DAZAP2: variants seen among roughly 807,000 people sequenced by gnomAD.
The protein encoded by DAZAP2 is DAZ associated protein 2.
Under a neutral mutation model 16.2 loss-of-function variants are expected in DAZAP2, and 3 were observed. The ratio of observed to expected loss-of-function variants is 0.19; its 90% CI spans 0.08 to 0.48. The LOEUF (loss-of-function observed/expected upper bound fraction) is 0.48, where lower values mean the gene tolerates loss of function less well. Among genes scored for constraint, DAZAP2 ranks in the 20% least tolerant of loss-of-function variants. The pLI is 0.98. For missense variants in DAZAP2, 172 were observed against 215.9 expected (o/e 0.80, Z 1.27); for synonymous variants, 69 against 77.6 (o/e 0.89, Z 0.58).
chr12:51,240,070 G>A (rs1219827517), intron 1 of DAZAP2: 3 of 445,108 alleles, frequency 6.7e-6, no homozygotes, highest in Non-Finnish European at 1.2e-5. Flanking sequence ...ATTCCGGAGG[G>A]AACTTGGGCC....
chr12:51,245,822 CT>C, downstream of DAZAP2: 1 of 1,186,302 alleles, frequency 8.4e-7, no homozygotes, highest in Non-Finnish European at 1.2e-6. Flanking sequence ...CTGGCTGGAG[CT>C]TGGATTTGCC....
In DAZAP2 at chr12:51,243,148, A is replaced by G; in HGVS notation, c.*690A>G. The G allele has an allele frequency of 2.0e-6, 2 of 986,052 alleles. No individual in the cohort carries two copies. Among genetic ancestry groups the G allele is most frequent in the Non-Finnish European group, 2.4e-6 (2 of 830,238 alleles). 61.1% of individuals were successfully genotyped at this position (986,052 alleles called of 1,614,324 possible). On this transcript the variant is annotated 3_prime_UTR_variant, in exon 4 of 4. Transcript: ENST00000412716. ...ATTACTTCTGCTTTCGTATCTCCTC[A>G]GGCAAAAGTGGAGGGTGCCTTATGG... is the stretch of plus-strand genomic sequence containing the variant.
chr12:51,243,975 T>C (rs1288804391), downstream of DAZAP2: 4 of 962,092 alleles, frequency 4.2e-6, no homozygotes, highest in African/African-American at 1.8e-5. Flanking sequence ...TGTTCAACTT[T>C]TCATCATTTT....
downstream of DAZAP2, chr12:51,246,634 G>A (rs1157845416): frequency 3.2e-6 from 2 of 622,322 alleles, no homozygotes; most frequent in Non-Finnish European, 5.4e-6. Context: ...GTGTGTGTGT[G>A]TGTGTAATAT....
chr12:51,239,162 G>GT, intron 1 of DAZAP2: 1 of 553,620 alleles, frequency 1.8e-6, no homozygotes, highest in Non-Finnish European at 3.1e-6. Flanking sequence ...GGCTCGGGTG[G>GT]TGGGGGGGCT....
At chr12:51,239,735 G>GC (rs1456931476) in intron 1 of DAZAP2, 1 of 152,632 alleles carries the variant, frequency 6.6e-6, no homozygotes, top group South Asian at 2.0e-4. Context: ...AGCCGAGATC[G>GC]CGCCACTGCA....
At chr12:51,240,664 CAGA>C (rs1944659468) in intron 2 of DAZAP2, 1 of 855,106 alleles carries the variant, frequency 1.2e-6, no homozygotes, top group African/African-American at 1.7e-5. Flanking sequence ...GGCTAAGGTG[CAGA>C]AGATGAATTT....
chr12:51,246,604 C>CTGTGTGTGTGTGTGTG (rs59561227), downstream of DAZAP2: 307 of 338,200 alleles, frequency 9.1e-4, 3 homozygotes, highest in African/African-American at 6.1e-3. Flanking sequence ...TCTTTTATGG[C>CTGTGTGTGTGTGTGTG]TGTGTGTGTG....
chr12:51,245,717 G>T, downstream of DAZAP2: 1 of 507,686 alleles, frequency 2.0e-6, no homozygotes, highest in Admixed American at 3.2e-5. Context: ...ACAAACACCA[G>T]CTCTAGTAAG....
At position 51,243,140 on chromosome 12, in the gene DAZAP2, ATCTCC is replaced by A; in HGVS notation, c.*685_*689del. 4.1e-6 allele frequency: 4 copies of A among 986,036 alleles called. No individual in the cohort carries two copies. Among genetic ancestry groups the A allele is most frequent in the Non-Finnish European group, 4.8e-6 (4 of 830,292 alleles). 61.1% of individuals were successfully genotyped at this position (986,036 alleles called of 1,614,324 possible). ...CAGATGCCATTACTTCTGCTTTCGTATCTCCTCAGGCAAAAGTGGAGGGTGCCTTA... is the reference window on the plus strand; with the variant it reads ...CAGATGCCATTACTTCTGCTTTCGTATCAGGCAAAAGTGGAGGGTGCCTTA... On this transcript the variant is annotated 3_prime_UTR_variant, in exon 4 of 4. Transcript: ENST00000412716.
chr12:51,241,165 T>G (rs1472377587), intron 3 of DAZAP2, 49 bp downstream of exon 3: 1 of 1,596,228 alleles, frequency 6.3e-7, no homozygotes, highest in Non-Finnish European at 8.5e-7. Context: ...TATTTTAACT[T>G]TCTGAAATGA....
Position 51,243,900 on chromosome 12 carries a change from A to G in DAZAP2, c.*1442A>G, listed in dbSNP as rs999794608. On this transcript the variant is annotated 3_prime_UTR_variant, in exon 4 of 4. Coordinates refer to ENST00000412716, the MANE Select transcript of DAZAP2 (RefSeq NM_014764.4). ...TGCTGCTGCTCTGTTTCCTTTGATG[A>G]CGCTTTGAAATAAAGGCAGGAGTAC... 1.1e-5 allele frequency: 11 copies of G among 985,296 alleles called. No homozygotes were observed. In the Admixed American group the frequency reaches 1.8e-4, roughly 17 times the overall value. 61.0% of individuals were successfully genotyped at this position (985,296 alleles called of 1,614,324 possible).
In DAZAP2 at chr12:51,242,334, C is replaced by T. The variant is rs549110284; in HGVS notation, c.383C>T (p.Pro128Leu). The change falls in exon 4 of 4, where the codon CCA becomes CTA. Residue 128 changes from proline (P) to leucine (L), a missense_variant. Physicochemically the swap from Pro to Leu is moderately conservative, Grantham distance 98. Transcript: ENST00000412716. ...AGATAGNIPP[P>L]PPGCPPNAAQ... Reference sequence around the variant, plus strand: ...TATCATGTCATTTCCTTTCAGCCTCCACCTCCTGGATGCCCTCCCAATGCT... The same window carrying T: ...TATCATGTCATTTCCTTTCAGCCTCTACCTCCTGGATGCCCTCCCAATGCT... 90 of 1,589,994 alleles carry T rather than the reference C, an allele frequency of 5.7e-5. No individual in the cohort carries two copies. In the East Asian group the frequency reaches 1.1e-3, roughly 19 times the overall value.
chr12:51,246,297 A>G (rs563847832), downstream of DAZAP2: 39 of 850,434 alleles, frequency 4.6e-5, no homozygotes, highest in African/African-American at 6.5e-4. Context: ...GGCACATAAT[A>G]GCTGGAGTCT....
chr12:51,241,049 T>G lies in DAZAP2; in HGVS notation c.311T>G (p.Val104Gly), dbSNP rs769797874. 4 of 1,614,184 alleles carry G rather than the reference T, an allele frequency of 2.5e-6. No homozygotes were observed. Among genetic ancestry groups the G allele is most frequent in the Non-Finnish European group, 8.5e-7 (1 of 1,180,018 alleles). The change falls in exon 3 of 4, where the codon GTG becomes GGG. Residue 104 changes from valine to glycine, a missense_variant. Coordinates refer to ENST00000412716, the MANE Select transcript of DAZAP2 (RefSeq NM_014764.4). The stretch of plus-strand genomic sequence containing the variant: ...CCCATCTATCCACCTGGCTCCACAG[T>G]GCTGGTGGAAGGAGGGTATGATGCA... ...VGPIYPPGST[V>G]LVEGGYDAGA...
intron 1 of DAZAP2, 41 bp downstream of exon 1, chr12:51,238,961 G>A: frequency 1.9e-6 from 3 of 1,611,476 alleles, no homozygotes; most frequent in Non-Finnish European, 2.5e-6. Context: ...GGGGAGTACT[G>A]CTGGCCCAGA....
intron 1 of DAZAP2, chr12:51,239,497 G>A (rs3935362): frequency 0.55 from 76,308 of 138,050 alleles, 21,636 homozygotes; most frequent in Non-Finnish European, 0.64. Context: ...AAAAAAAAAA[G>A]GCCGAGCGAG....
chr12:51,240,809 A>T, intron 2 of DAZAP2, 62 bp from the exon 3 acceptor site: 1 of 1,579,462 alleles, frequency 6.3e-7, no homozygotes. Flanking sequence ...TTAGCTCATT[A>T]AAGAGATCTC....
chr12:51,240,507 G>A lies in DAZAP2; in HGVS notation c.132+46G>A, dbSNP rs770711747. ...TTGAACTAGCTGGGAATACTCTTAG[G>A]GTGGTCCTTTAGTCCTTAGCTAAAT... is the stretch of plus-strand genomic sequence containing the variant. On this transcript the variant is annotated intron_variant, in intron 2 of 3. Coordinates refer to ENST00000412716, the MANE Select transcript of DAZAP2 (RefSeq NM_014764.4). 2.1e-5 allele frequency: 32 copies of A among 1,492,512 alleles called. No homozygotes were observed. In the Middle Eastern group the frequency reaches 6.9e-4, roughly 32 times the overall value. 92.5% of individuals were successfully genotyped at this position (1,492,512 alleles called of 1,614,324 possible).
Sources: gnomAD v4.1 joint callset for allele counts on GRCh38, gnomAD v4.1.1 for gene constraint, MANE v1.5 for transcripts, NCBI Gene and HGNC (gene_info 2026-07-23, HGNC 2026-07-21) for gene names.